Variants in OGFOD1 observed in about 807,000 individuals in gnomAD.
The protein encoded by OGFOD1 is 2-oxoglutarate and iron dependent oxygenase domain containing 1.
OGFOD1 carries 54 observed loss-of-function variants against 67.7 expected under a neutral mutation model. The ratio of observed to expected loss-of-function variants is 0.80; its 90% CI spans 0.64 to 1.00. OGFOD1 has a LOEUF of 1.00. Ranked by LOEUF, OGFOD1 falls within the 50% of genes least tolerant of loss-of-function variation. The probability of loss-of-function intolerance (pLI) is 0.00; values close to 1 mark genes in which losing one functional copy is unlikely to be tolerated. For missense variants in OGFOD1, 606 were observed against 646.7 expected, an observed-to-expected ratio of 0.94 and a Z score of 0.68; for synonymous variants, 221 against 227.0, an observed-to-expected ratio of 0.97 and a Z score of 0.24.
chr16:56,451,630 A>C lies in OGFOD1; in HGVS notation c.18A>C (p.Pro6=). ...GGGAAGAGATGAATGGGAAGCGGCC[A>C]GCGGAGCCCGGCCCAGCCCGGGTGG... MNGKR[P]AEPGPARVGK... The change falls in exon 1 of 13, where the codon CCA becomes CCC. Residue 6 remains proline, a synonymous_variant. Transcript: ENST00000566157. 6.2e-7 allele frequency: 1 copy of C among 1,613,862 alleles called. No individual in the cohort carries two copies. Among genetic ancestry groups the C allele is most frequent in the Non-Finnish European group, 8.5e-7 (1 of 1,180,006 alleles).
In OGFOD1 at chr16:56,476,212, T is replaced by C. The variant is rs762182845; in HGVS notation, c.*7T>C. ...ATTCATCTATTATGAATGACAGCAC[T>C]GGGCAAAGCTGAACAAAAATGTGAC... On this transcript the variant is annotated 3_prime_UTR_variant, in exon 13 of 13. Transcript: ENST00000566157. The C allele has an allele frequency of 5.6e-6, 9 of 1,603,594 alleles. No homozygotes were observed. The highest frequency in any genetic ancestry group is 2.2e-4 in the Middle Eastern group (1 of 4,478).
In OGFOD1 at chr16:56,458,544, C is replaced by G. The variant is rs562175945; in HGVS notation, c.301-4C>G. The G allele has an allele frequency of 6.2e-7, 1 of 1,612,402 alleles. No homozygotes were observed. The highest frequency in any genetic ancestry group is 1.1e-5 in the South Asian group (1 of 90,992). ...CCTTTTTTTTCTCTATTTTCATGAT[C>G]AAGTCTGATGATTTGAAGAAGAGAA... On this transcript the variant is annotated splice_polypyrimidine_tract_variant and splice_region_variant and intron_variant, in intron 2 of 12. Transcript: ENST00000566157.
Position 56,474,967 on chromosome 16 carries a change from C to T in OGFOD1, c.1408+17C>T, listed in dbSNP as rs1482675093. The T allele has an allele frequency of 1.2e-6, 2 of 1,612,428 alleles. No homozygotes were observed. The highest frequency in any genetic ancestry group is 1.7e-6 in the Non-Finnish European group (2 of 1,179,078). ...GCTGTGAAGGTAAGAGGGAGGAAAG[C>T]AAGCGGTGGATTATTCCCCGTAGGA... On this transcript the variant is annotated intron_variant, in intron 11 of 12. Transcript: ENST00000566157.
chr16:56,470,049 T>C lies in OGFOD1; in HGVS notation c.947T>C (p.Val316Ala). The C allele has an allele frequency of 1.2e-6, 2 of 1,613,968 alleles. No homozygotes were observed. Among genetic ancestry groups the C allele is most frequent in the Non-Finnish European group, 1.7e-6 (2 of 1,179,990 alleles). The change falls in exon 9 of 13, where the codon GTG becomes GCG. Residue 316 changes from valine (V) to alanine (A), a missense_variant. Coordinates refer to ENST00000566157, the MANE Select transcript of OGFOD1 (RefSeq NM_018233.4). The stretch of plus-strand genomic sequence containing the variant: ...TGTGAGGCCTTGGAGCATGGACATG[T>C]GGAATGGAGCAGCCGAGGTCCCCCT... ...KVCEALEHGH[V>A]EWSSRGPPNK...
rs56388148 is a variant in OGFOD1, at chr16:56,463,384, G to GTTTTT, written c.448+776_448+780dup. 2.1e-3 allele frequency among the ~76,000 whole-genome samples: 92 copies of GTTTTT among 43,806 alleles called. 3 individuals carry two copies. Among genetic ancestry groups the GTTTTT allele is most frequent in the South Asian group, 2.8e-3 (2 of 704 alleles). 28.7% of individuals were successfully genotyped at this position (43,806 alleles called of 152,430 possible). A position where few individuals can be genotyped will look rare whatever the true frequency, so the allele number is the denominator to read the frequency against. On this transcript the variant is annotated intron_variant, in intron 4 of 12. Transcript: ENST00000566157. ...TACTGCCATGTCATTTCTTTTTTGG[G>GTTTTT]TTTTTTTTTTTTTTTTTTTTTTTTT...
chr16:56,451,557 C>A lies in OGFOD1; in HGVS notation c.-56C>A, dbSNP rs1267455095. 7.5e-6 allele frequency: 12 copies of A among 1,589,490 alleles called. No individual in the cohort carries two copies. The highest frequency in any genetic ancestry group is 8.6e-6 in the Non-Finnish European group (10 of 1,164,614). On this transcript the variant is annotated 5_prime_UTR_variant, in exon 1 of 13. Coordinates refer to ENST00000566157, the MANE Select transcript of OGFOD1 (RefSeq NM_018233.4). ...AGGGGACATGCCGGGAGTTGCAGTA[C>A]CCTCAGGAAGGTAGCGTCTTGATCT...
intron 10 of OGFOD1, among the ~76,000 whole-genome samples, chr16:56,471,210 A>C (rs1172818271): frequency 1.3e-5 from 2 of 151,706 alleles, no homozygotes; most frequent in Non-Finnish European, 2.9e-5. Context: ...AAAAAAAAAA[A>C]AATTTGCCAG....
In OGFOD1 at chr16:56,470,741, A is replaced by C. The variant is rs780194961; in HGVS notation, c.1235A>C (p.Gln412Pro). ...ATGGCCATCAGCAACAACAGCCAAC[A>C]GAGCAATGAGCAGACAGACCCAGAG... ...NQMAISNNSQ[Q>P]SNEQTDPEPE... is the part of the protein sequence containing the mutation. The change falls in exon 10 of 13, where the codon CAG (glutamine) becomes CCG (proline). Residue 412 changes from glutamine to proline, a missense_variant. Gln to Pro is a moderately conservative substitution (Grantham distance 76, BLOSUM62 -1). Transcript: ENST00000566157. 1.2e-5 allele frequency: 20 copies of C among 1,613,506 alleles called. No homozygotes were observed. The South Asian group carries it at 2.0e-4, about 16-fold the overall frequency.
intron 5 of OGFOD1, 98 bp downstream of exon 5, chr16:56,466,366 C>T: frequency 1.3e-6 from 1 of 747,866 alleles, no homozygotes; most frequent in East Asian, 2.6e-5. Context: ...AATGTCTGTA[C>T]TCCTCAAAGG....
At chr16:56,470,349 ACTATTGTAATAACTTGTGC>A in intron 9 of OGFOD1, 119 bp from the exon 10 acceptor site, 1 of 806,022 alleles carries the variant, frequency 1.2e-6, no homozygotes, top group East Asian at 2.6e-5. Flanking sequence ...ACAAAATCTC[ACTATTGTAATAACTTGTGC>A]CTTAGTAAGC....
At chr16:56,466,677 A>G (rs773085041) in intron 5 of OGFOD1, among the ~76,000 whole-genome samples, 199 bp from the exon 6 acceptor site, 9 of 152,196 alleles carry the variant, frequency 5.9e-5, no homozygotes, top group Non-Finnish European at 1.0e-4. Context: ...CCTTCTCAAT[A>G]ATAGATGGAT....
chr16:56,472,137 ATT>A (rs111574935), intron 10 of OGFOD1, among the ~76,000 whole-genome samples: 2 of 144,138 alleles, frequency 1.4e-5, no homozygotes, highest in Admixed American at 7.0e-5. Flanking sequence ...AATTTTCTTG[ATT>A]TTTTTTTTTT....
chr16:56,469,831 C>T (rs869209912), intron 8 of OGFOD1, among the ~76,000 whole-genome samples, 172 bp from the exon 9 acceptor site: 5 of 96,550 alleles, frequency 5.2e-5, no homozygotes, highest in Non-Finnish European at 9.8e-5. Context: ...GCCTGGGCAA[C>T]AAGAGTGAAA....
At chr16:56,456,783 C>T (rs1477339150) in intron 2 of OGFOD1, among the ~76,000 whole-genome samples, 1 of 152,184 alleles carries the variant, frequency 6.6e-6, no homozygotes, top group African/African-American at 2.4e-5. Context: ...AAACAATAGG[C>T]TATACCATAT....
Position 56,467,934 on chromosome 16 carries a change from T to C in OGFOD1, c.816T>C (p.Pro272=), listed in dbSNP as rs542327344. The change falls in exon 8 of 13, where the codon CCT becomes CCC. Residue 272 remains proline (P), a synonymous_variant. Coordinates refer to ENST00000566157, the MANE Select transcript of OGFOD1 (RefSeq NM_018233.4). ...AGATTTTGTATGATTGGATCAACCC[T>C]ACTTATCTGGACATGGATTACCAAG... The part of the protein sequence containing the change: ...DHEILYDWIN[P]TYLDMDYQVQ... 1 of 1,604,056 alleles carries C rather than the reference T, an allele frequency of 6.2e-7. No homozygotes were observed. Among genetic ancestry groups the C allele is most frequent in the South Asian group, 1.1e-5 (1 of 90,896 alleles).
intron 1 of OGFOD1, among the ~76,000 whole-genome samples, chr16:56,452,912 A>G (rs899650100): frequency 3.9e-5 from 6 of 152,174 alleles, no homozygotes; most frequent in African/African-American, 1.4e-4. Context: ...TGCTACTCTC[A>G]TTTAATGTGC....
At chr16:56,457,804 C>T (rs542216167) in intron 2 of OGFOD1, among the ~76,000 whole-genome samples, 1 of 152,018 alleles carries the variant, frequency 6.6e-6, no homozygotes, top group Non-Finnish European at 1.5e-5. Context: ...CTCAGCCTCC[C>T]GAGTAGCTGG....
In OGFOD1 at chr16:56,467,173, A is replaced by G; in HGVS notation, c.666A>G (p.Glu222=). The change falls in exon 7 of 13, where the codon GAA becomes GAG. Residue 222 remains glutamate (E), a synonymous_variant. Transcript: ENST00000566157. ...TGGGCTTCTCCTTTCAGGTGTCTGA[A>G]GTGCTGTCTGAAGAAAAGTCACGTT... is the stretch of plus-strand genomic sequence containing the variant. The part of the protein sequence containing the change: ...VSPVSFHQVS[E]VLSEEKSRLS... The G allele has an allele frequency of 3.1e-6, 5 of 1,614,094 alleles. No individual in the cohort carries two copies. The highest frequency in any genetic ancestry group is 1.3e-5 in the African/African-American group (1 of 75,004).
Position 56,476,360 on chromosome 16 carries a change from T to C in OGFOD1, c.*155T>C. 1.8e-6 allele frequency: 1 copy of C among 555,392 alleles called. No individual in the cohort carries two copies. Among genetic ancestry groups the C allele is most frequent in the Non-Finnish European group, 3.0e-6 (1 of 336,166 alleles). The allele number at this position is 555,392 out of a possible 1,614,324, so 34.4% of individuals were successfully genotyped here. ...TTACTAGGACTCATAATGATTGTCC[T>C]CAACCGAGACCTTGAGCTTGCAGCT... On this transcript the variant is annotated 3_prime_UTR_variant, in exon 13 of 13. Coordinates refer to ENST00000566157, the MANE Select transcript of OGFOD1 (RefSeq NM_018233.4).
Sources: gnomAD v4.1 joint callset for allele counts (sites outside exome capture counted in the v4.1 genomes callset) on GRCh38, gnomAD v4.1.1 for gene constraint, MANE v1.5 for transcripts, NCBI Gene and HGNC (gene_info 2026-07-23, HGNC 2026-07-21) for gene names.